Variants in CDH12 observed in about 807,000 individuals in gnomAD.
The protein encoded by CDH12 is cadherin-12.
CDH12 carries 41 observed loss-of-function variants against 74.1 expected under a neutral mutation model. The ratio of observed to expected loss-of-function variants is 0.55; its 90% CI spans 0.43 to 0.72. The LOEUF is 0.72. CDH12 is among the 30% of genes least tolerant of loss of function. The pLI is 0.00. For missense variants in CDH12, 945 were observed against 977.2 expected (o/e 0.97, Z 0.44); for synonymous variants, 399 against 355.0 (o/e 1.12, Z -1.39).
rs1749161847 is a variant in CDH12 at position 22,811,821 on chromosome 5, A to G, written c.-523+41237T>C. Among the ~76,000 whole-genome samples the G allele has an allele frequency of 3.3e-5, 5 of 152,250 alleles. 1 individual carries two copies. Among genetic ancestry groups the G allele is most frequent in the Admixed American group, 3.3e-4 (5 of 15,294 alleles). Reference sequence around the variant, plus strand: ...AAATTATGAAGTGGCTACTTGAATAAGACCAGTGACTTCTACAGAAGGGAT... The same window carrying G: ...AAATTATGAAGTGGCTACTTGAATAGGACCAGTGACTTCTACAGAAGGGAT... On this transcript the variant is annotated intron_variant, in intron 1 of 14. Coordinates refer to ENST00000382254, the MANE Select transcript of CDH12 (RefSeq NM_004061.5).
intron 5 of CDH12, among the ~76,000 whole-genome samples, chr5:22,007,655 G>A (rs1737045991): frequency 6.6e-6 from 1 of 152,134 alleles, no homozygotes; most frequent in South Asian, 2.1e-4. Flanking sequence ...GTTAGGTTGA[G>A]AAATGTAAAT....
intron 3 of CDH12, among the ~76,000 whole-genome samples, chr5:22,292,214 G>T (rs574873329): frequency 2.0e-5 from 3 of 152,018 alleles, no homozygotes; most frequent in South Asian, 4.1e-4. Flanking sequence ...AGGGATTAAA[G>T]AATTAATTAC....
chr5:22,623,822 T>C (rs1246348264), intron 1 of CDH12, among the ~76,000 whole-genome samples: 3 of 152,076 alleles, frequency 2.0e-5, no homozygotes. Context: ...TACTTTAAAG[T>C]TCATATGGAA....
Position 22,378,698 on chromosome 5 carries a change from T to C in CDH12, c.-333+26559A>G, listed in dbSNP as rs185400312. On this transcript the variant is annotated intron_variant, in intron 3 of 14. Transcript: ENST00000382254. Reference sequence around the variant, plus strand: ...TCTCTTTATATGAGCCAATAATCTTTTCTAAATTTAAAAATAAAATCAATA... The same window carrying C: ...TCTCTTTATATGAGCCAATAATCTTCTCTAAATTTAAAAATAAAATCAATA... Among the ~76,000 whole-genome samples, 468 of 152,232 alleles carry C rather than the reference T, an allele frequency of 3.1e-3. 6 individuals are homozygous for C. The highest frequency in any genetic ancestry group is 0.011 in the African/African-American group (451 of 41,576).
intron 1 of CDH12, among the ~76,000 whole-genome samples, chr5:22,647,990 A>G (rs2126879641): frequency 6.6e-6 from 1 of 152,004 alleles, no homozygotes; most frequent in Non-Finnish European, 1.5e-5. Flanking sequence ...CTTATTAATC[A>G]GCTTTTGGAA....
At chr5:21,801,575 G>A (rs546090378) in intron 10 of CDH12, among the ~76,000 whole-genome samples, 169 of 152,268 alleles carry the variant, frequency 1.1e-3, no homozygotes, top group African/African-American at 3.8e-3. Flanking sequence ...GGAGAGAGAT[G>A]AGCAGGAAGC....
chr5:21,838,810 GTCA>G (rs2149981688), intron 8 of CDH12, among the ~76,000 whole-genome samples: 1 of 152,256 alleles, frequency 6.6e-6, no homozygotes, highest in Non-Finnish European at 1.5e-5. Flanking sequence ...TTGAGCCATT[GTCA>G]TCATGCCCCT....
At chr5:22,221,495 G>A (rs976161319) in intron 3 of CDH12, among the ~76,000 whole-genome samples, 4 of 151,692 alleles carry the variant, frequency 2.6e-5, no homozygotes, top group Admixed American at 1.3e-4. Context: ...TTATCACATG[G>A]TGTTTTATTT....
chr5:22,357,564 T>C (rs1401254073), intron 3 of CDH12, among the ~76,000 whole-genome samples: 3 of 152,198 alleles, frequency 2.0e-5, no homozygotes, highest in Non-Finnish European at 4.4e-5. Context: ...CATATTAGTC[T>C]GTTTTTGTAT....
intron 3 of CDH12, among the ~76,000 whole-genome samples, chr5:22,339,581 T>C (rs1170627365): frequency 2.0e-5 from 3 of 152,106 alleles, no homozygotes; most frequent in Non-Finnish European, 4.4e-5. Context: ...AACACAACCC[T>C]AGAGGAAATC....
intron 3 of CDH12, among the ~76,000 whole-genome samples, chr5:22,311,087 T>C (rs1054651251): frequency 3.3e-5 from 5 of 152,220 alleles, no homozygotes; most frequent in African/African-American, 1.2e-4. Flanking sequence ...AAGAACTTAC[T>C]CAATTCATCT....
chr5:22,312,473 G>GT (rs1326662031), intron 3 of CDH12, among the ~76,000 whole-genome samples: 2 of 151,944 alleles, frequency 1.3e-5, no homozygotes, highest in African/African-American at 2.4e-5. Context: ...TGTTCATATA[G>GT]TTTTTTATTT....
intron 4 of CDH12, among the ~76,000 whole-genome samples, chr5:22,128,936 T>C (rs1295620741): frequency 1.3e-5 from 2 of 152,224 alleles, no homozygotes; most frequent in Non-Finnish European, 2.9e-5. Flanking sequence ...ATTTAAGATA[T>C]ATGATACATA....
chr5:21,857,973 C>G (rs1579846497), intron 6 of CDH12, among the ~76,000 whole-genome samples: 1 of 148,838 alleles, frequency 6.7e-6, no homozygotes, highest in African/African-American at 2.5e-5. Flanking sequence ...GAGGCAGAGA[C>G]AGAGAGAGAG....
At chr5:21,919,288 A>G (rs1754246439) in intron 6 of CDH12, among the ~76,000 whole-genome samples, 1 of 152,224 alleles carries the variant, frequency 6.6e-6, no homozygotes, top group African/African-American at 2.4e-5. Flanking sequence ...TTGCTTATGC[A>G]GAAATATTTG....
intron 1 of CDH12, among the ~76,000 whole-genome samples, chr5:22,692,592 G>C (rs1387860031): frequency 1.3e-5 from 2 of 152,152 alleles, no homozygotes; most frequent in Middle Eastern, 3.4e-3. Context: ...GTTCTTCCTT[G>C]GGCTACAAAT....
intron 2 of CDH12, among the ~76,000 whole-genome samples, chr5:22,480,100 C>A (rs1366858486): frequency 6.6e-6 from 1 of 152,072 alleles, no homozygotes; most frequent in African/African-American, 2.4e-5. Flanking sequence ...CTAGAATTTT[C>A]TCATATTTTT....
Position 22,815,107 on chromosome 5 carries a change from T to C in CDH12, c.-523+37951A>G, listed in dbSNP as rs116530276. ...AAAATAAAAGCCATCCCAAGAAAGA[T>C]GGGTATTAGATCCTGGAATTAGTTG... On this transcript the variant is annotated intron_variant, in intron 1 of 14. Transcript: ENST00000382254. Among the ~76,000 whole-genome samples the C allele has an allele frequency of 4.7e-3, 714 of 152,276 alleles. 9 individuals carry two copies. The highest frequency in any genetic ancestry group is 0.016 in the African/African-American group (680 of 41,554).
intron 11 of CDH12, among the ~76,000 whole-genome samples, chr5:21,766,223 G>A (rs372888805): frequency 4.6e-5 from 7 of 152,018 alleles, no homozygotes; most frequent in East Asian, 1.9e-4. Context: ...CATAACAAGC[G>A]TTTGACACAA....
Sources: allele counts gnomAD v4.1 joint callset (sites outside exome capture counted in the v4.1 genomes callset), GRCh38; gene constraint gnomAD v4.1.1; transcripts MANE v1.5; gene names NCBI Gene and HGNC (gene_info 2026-07-23, HGNC 2026-07-21).